Variants in SRGAP2 observed in about 807,000 individuals in gnomAD.
SRGAP2 encodes the protein SLIT-ROBO Rho GTPase activating protein 2, also known as SLIT-ROBO Rho GTPase-activating protein 2.
A neutral mutation model predicts 57.2 loss-of-function variants in SRGAP2; 15 were observed. The observed-to-expected ratio is 0.26, with a 90% CI of 0.18 to 0.40. SRGAP2 has a LOEUF of 0.40. Ranked by LOEUF, SRGAP2 falls within the 10% of genes least tolerant of loss-of-function variation. The probability of loss-of-function intolerance (pLI) is 1.00; values close to 1 mark genes in which losing one functional copy is unlikely to be tolerated. For synonymous variants in SRGAP2, 249 were observed against 248.0 expected (o/e 1.00, Z -0.04); for missense variants, 520 against 669.6 (o/e 0.78, Z 2.47).
chr1:206,425,470 G>T (rs1439228686), intron 13 of SRGAP2, among the ~76,000 whole-genome samples: 1 of 152,016 alleles, frequency 6.6e-6, no homozygotes, highest in Non-Finnish European at 1.5e-5. Context: ...TCAAACATTA[G>T]AACTTATTTC....
At chr1:206,318,844 C>T (rs1464333270) in intron 3 of SRGAP2, among the ~76,000 whole-genome samples, 6 of 151,672 alleles carry the variant, frequency 4.0e-5, no homozygotes, top group Non-Finnish European at 8.8e-5. Context: ...AAGGATCTAC[C>T]CCCATGACCC....
At chr1:206,306,529 C>T (rs1672210577) in intron 3 of SRGAP2, among the ~76,000 whole-genome samples, 1 of 152,104 alleles carries the variant, frequency 6.6e-6, no homozygotes, top group Non-Finnish European at 1.5e-5. Context: ...AAGAACAAAC[C>T]TTCCACCGTG....
At chr1:206,442,667 C>T (rs1393655011) in intron 17 of SRGAP2, among the ~76,000 whole-genome samples, 1 of 152,060 alleles carries the variant, frequency 6.6e-6, no homozygotes, top group Non-Finnish European at 1.5e-5. Flanking sequence ...CTGATTGAAA[C>T]GAGATTGATT....
intron 4 of SRGAP2, among the ~76,000 whole-genome samples, chr1:206,376,246 T>C (rs1655192777): frequency 6.6e-6 from 1 of 152,134 alleles, no homozygotes; most frequent in African/African-American, 2.4e-5. Context: ...GGAGTTTTGT[T>C]TTTTTGTTTT....
At chr1:206,292,627 C>A (rs1445675600) in intron 2 of SRGAP2, among the ~76,000 whole-genome samples, 2 of 148,158 alleles carry the variant, frequency 1.3e-5, no homozygotes, top group East Asian at 3.9e-4. Context: ...TTTTGTACAT[C>A]TCTCTTCATT....
chr1:206,438,058 C>G lies in SRGAP2; in HGVS notation c.1728C>G (p.Leu576=), dbSNP rs782797554. 2.6e-6 allele frequency: 2 copies of G among 780,932 alleles called. No homozygotes were observed. The highest frequency in any genetic ancestry group is 4.8e-5 in the East Asian group (2 of 41,258). The allele number at this position is 780,932 out of a possible 1,614,324, so 48.4% of individuals were successfully genotyped here. A position where few individuals can be genotyped will look rare whatever the true frequency, so the allele number is the denominator to read the frequency against. The change falls in exon 16 of 23, where the codon CTC becomes CTG. Residue 576 remains leucine, a synonymous_variant. Transcript: ENST00000573034. ...ACTTCCGGGGGCTGGAACACCCTCTCTTCCCCAAGGACATCTTTCATGACC... is the reference window on the plus strand; with the variant it reads ...ACTTCCGGGGGCTGGAACACCCTCTGTTCCCCAAGGACATCTTTCATGACC... ...KLYFRGLEHP[L]FPKDIFHDLM...
In SRGAP2 at chr1:206,434,892, C is replaced by T. The variant is rs10159223; in HGVS notation, c.1556-2073C>T. Among the ~76,000 whole-genome samples the T allele has an allele frequency of 4.4e-3, 664 of 152,354 alleles. 3 individuals carry two copies. The highest frequency in any genetic ancestry group is 5.6e-3 in the Non-Finnish European group (383 of 68,028). On this transcript the variant is annotated intron_variant, in intron 14 of 22. Transcript: ENST00000573034. ...AGAATTTGTGCAATGGCTTCACCAA[C>T]TAGAACATAGTGAGTAGCCTGGTTT...
intron 2 of SRGAP2, among the ~76,000 whole-genome samples, chr1:206,273,968 A>G (rs1173167499): frequency 2.2e-5 from 3 of 139,312 alleles, no homozygotes; most frequent in African/African-American, 9.0e-5. Context: ...GTTGATTCTG[A>G]TGTCCTAGTA....
chr1:206,304,455 G>A (rs1672071985), intron 3 of SRGAP2, among the ~76,000 whole-genome samples: 1 of 144,098 alleles, frequency 6.9e-6, no homozygotes, highest in African/African-American at 2.7e-5. Context: ...AAGAAGAATT[G>A]TCTTGGGCCA....
chr1:206,313,878 A>C (rs1329821567), intron 3 of SRGAP2, among the ~76,000 whole-genome samples: 2 of 151,518 alleles, frequency 1.3e-5, no homozygotes, highest in Non-Finnish European at 2.9e-5. Context: ...TGCCAGACAC[A>C]TGCCAGATAC....
intron 2 of SRGAP2, among the ~76,000 whole-genome samples, chr1:206,254,588 T>C (rs1173321741): frequency 1.3e-5 from 2 of 150,210 alleles, no homozygotes; most frequent in Non-Finnish European, 3.0e-5. Context: ...TTTGACGTGA[T>C]CCTGTTGGAC....
chr1:206,357,624 T>C (rs1164607272), intron 4 of SRGAP2, among the ~76,000 whole-genome samples: 3 of 150,070 alleles, frequency 2.0e-5, no homozygotes, highest in Non-Finnish European at 4.4e-5. Flanking sequence ...GTTTCTTTTT[T>C]TCAGGCTGAA....
intron 2 of SRGAP2, among the ~76,000 whole-genome samples, chr1:206,292,550 C>A (rs1375469878): frequency 6.7e-6 from 1 of 150,334 alleles, no homozygotes; most frequent in African/African-American, 2.5e-5. Flanking sequence ...TGATAGACTT[C>A]TCATTGCCAA....
chr1:206,266,590 AG>A (rs1669865005), intron 2 of SRGAP2, among the ~76,000 whole-genome samples: 1 of 152,142 alleles, frequency 6.6e-6, no homozygotes, highest in Admixed American at 6.5e-5. Context: ...CTGGACATTC[AG>A]CTGCCATCTT....
intron 4 of SRGAP2, among the ~76,000 whole-genome samples, chr1:206,349,419 CTA>C (rs1329546713): frequency 6.6e-6 from 1 of 150,718 alleles, no homozygotes; most frequent in Non-Finnish European, 1.5e-5. Flanking sequence ...TTATAGGCAT[CTA>C]CCCAAGAGAA....
At chr1:206,299,859 TCTC>T (rs1181386991) in intron 2 of SRGAP2, among the ~76,000 whole-genome samples, 1 of 151,618 alleles carries the variant, frequency 6.6e-6, no homozygotes, top group Non-Finnish European at 1.5e-5. Flanking sequence ...TCCTTTTCCT[TCTC>T]CTTCTCCACC....
intron 14 of SRGAP2, among the ~76,000 whole-genome samples, chr1:206,435,214 C>T (rs1435206833): frequency 6.6e-6 from 1 of 152,122 alleles, no homozygotes; most frequent in African/African-American, 2.4e-5. Context: ...AAATATCAGT[C>T]CCGGCCTATG....
intron 4 of SRGAP2, among the ~76,000 whole-genome samples, chr1:206,357,717 G>A (rs1394635969): frequency 2.7e-5 from 4 of 150,466 alleles, no homozygotes; most frequent in East Asian, 3.9e-4. Flanking sequence ...CCGAGTAGCC[G>A]GGATTACAGG....
rs1254689877 is a variant in SRGAP2, at chr1:206,400,483, T to TC, written c.832-936dup. Among the ~76,000 whole-genome samples, 3 of 56,260 alleles carry TC rather than the reference T, an allele frequency of 5.3e-5. No homozygotes were observed. In the Admixed American group the frequency reaches 6.3e-4, roughly 12 times the overall value. 36.9% of individuals were successfully genotyped at this position (56,260 alleles called of 152,430 possible). A position where few individuals can be genotyped will look rare whatever the true frequency, so the allele number is the denominator to read the frequency against. On this transcript the variant is annotated intron_variant, in intron 7 of 22. Transcript: ENST00000573034. ...CTTGGTTGAAGGAGGAATAGAAGACTCCAAGTCCTAGTAGTTGGGTTGTCC... is the reference window on the plus strand; with the variant it reads ...CTTGGTTGAAGGAGGAATAGAAGACTCCCAAGTCCTAGTAGTTGGGTTGTCC...
Sources: gnomAD v4.1 joint callset for allele counts (sites outside exome capture counted in the v4.1 genomes callset) on GRCh38, gnomAD v4.1.1 for gene constraint, MANE v1.5 for transcripts, NCBI Gene and HGNC (gene_info 2026-07-23, HGNC 2026-07-21) for gene names.